Variants in EFHC2 observed in about 807,000 individuals in gnomAD.
The protein encoded by EFHC2 is EF-hand domain-containing family member C2.
A neutral mutation model predicts 52.7 loss-of-function variants in EFHC2; 18 were observed. The observed-to-expected ratio is 0.34, with a 90% CI of 0.24 to 0.51. EFHC2 has a LOEUF of 0.51. Among genes scored for constraint, EFHC2 ranks in the 20% least tolerant of loss-of-function variants. The pLI, the probability that EFHC2 is intolerant of heterozygous loss-of-function variation, is 0.97. For synonymous variants in EFHC2, 203 were observed against 204.1 expected, an observed-to-expected ratio of 0.99 and a Z score of 0.04; for missense variants, 513 against 562.5, an observed-to-expected ratio of 0.91 and a Z score of 0.89.
chrX:44,240,837 C>G (rs1366055755), intron 8 of EFHC2, among the ~76,000 whole-genome samples: 1 of 111,239 alleles, frequency 9.0e-6, no homozygotes, highest in Non-Finnish European at 1.9e-5. Context: ...GTACAGGGAC[C>G]ACTCCTGAGA....
At chrX:44,297,570 T>A (rs1284215699) in intron 2 of EFHC2, among the ~76,000 whole-genome samples, 3 of 107,504 alleles carry the variant, frequency 2.8e-5, no homozygotes, top group Non-Finnish European at 5.8e-5. Context: ...CTAAAAAAAA[T>A]ATATAAAAAT....
intron 10 of EFHC2, among the ~76,000 whole-genome samples, chrX:44,232,254 G>A (rs769035996): frequency 3.6e-5 from 4 of 112,340 alleles, no homozygotes; most frequent in Non-Finnish European, 1.9e-5. Flanking sequence ...CCTGGAATCC[G>A]TGATGCTGGG....
At chrX:44,198,490 C>T (rs911822498) in intron 11 of EFHC2, among the ~76,000 whole-genome samples, 2 of 111,431 alleles carry the variant, frequency 1.8e-5, no homozygotes, top group African/African-American at 6.5e-5. Flanking sequence ...TCAGTATTTT[C>T]CCCAGTGTAA....
chrX:44,220,033 T>C (rs914879700), intron 11 of EFHC2, among the ~76,000 whole-genome samples: 1 of 111,997 alleles, frequency 8.9e-6, no homozygotes, highest in African/African-American at 3.2e-5. Context: ...ATTGAAGTTT[T>C]AAAAAATAAT....
chrX:44,158,312 G>A (rs2147266549), intron 14 of EFHC2, among the ~76,000 whole-genome samples: 1 of 111,519 alleles, frequency 9.0e-6, no homozygotes, highest in African/African-American at 3.3e-5. Flanking sequence ...ATGACAATAT[G>A]CAGCCCAGGA....
rs2037627894 is a variant in EFHC2 at position 44,272,951 on chromosome X, T to A, written c.232-115A>T. 6.5e-6 allele frequency: 4 copies of A among 616,706 alleles called. 1 individual carries two copies. Among genetic ancestry groups the A allele is most frequent in the Non-Finnish European group, 9.7e-6 (4 of 413,127 alleles). 50.8% of individuals were successfully genotyped at this position (616,706 alleles called of 1,213,427 possible). On this transcript the variant is annotated intron_variant, in intron 2 of 14. Coordinates refer to ENST00000420999, the MANE Select transcript of EFHC2 (RefSeq NM_025184.4). Reference sequence around the variant, plus strand: ...AATATAAAGAAAAAAGTAGAGAGAATTTTTCCAAGAACTCATTCTACACAT... The same window carrying A: ...AATATAAAGAAAAAAGTAGAGAGAAATTTTCCAAGAACTCATTCTACACAT...
chrX:44,153,782 T>C (rs762438733), intron 14 of EFHC2, among the ~76,000 whole-genome samples: 12 of 112,466 alleles, frequency 1.1e-4, no homozygotes, highest in Non-Finnish European at 2.1e-4. Context: ...TACCACTGCC[T>C]AATTGTACTT....
At chrX:44,217,386 A>G (rs1357375994) in intron 11 of EFHC2, among the ~76,000 whole-genome samples, 2 of 111,922 alleles carry the variant, frequency 1.8e-5, no homozygotes, top group Non-Finnish European at 3.8e-5. Context: ...TATCCAAAAG[A>G]AAAGAAATCA....
At chrX:44,154,788 C>T (rs751474042) in intron 14 of EFHC2, among the ~76,000 whole-genome samples, 8 of 111,451 alleles carry the variant, frequency 7.2e-5, no homozygotes, top group Non-Finnish European at 1.5e-4. Context: ...TTTAGTAGCT[C>T]CTTCCCTTTC....
intron 1 of EFHC2, among the ~76,000 whole-genome samples, chrX:44,332,310 T>C (rs1304190583): frequency 9.0e-6 from 1 of 111,195 alleles, no homozygotes; most frequent in Non-Finnish European, 1.9e-5. Context: ...AACCATGCAA[T>C]TGACCTAAAC....
chrX:44,206,691 T>C (rs1602151045), intron 11 of EFHC2, among the ~76,000 whole-genome samples: 1 of 112,019 alleles, frequency 8.9e-6, no homozygotes, highest in East Asian at 2.8e-4. Flanking sequence ...GAAACACTGC[T>C]GAAAGAAATC....
At chrX:44,343,339 T>A (rs950557822) in intron 1 of EFHC2, among the ~76,000 whole-genome samples, 7 of 112,261 alleles carry the variant, frequency 6.2e-5, no homozygotes, top group African/African-American at 2.3e-4. Flanking sequence ...ATAAGGACTC[T>A]CTCTATATAT....
chrX:44,325,311 G>A (rs1052010695), intron 1 of EFHC2, among the ~76,000 whole-genome samples: 1 of 111,162 alleles, frequency 9.0e-6, no homozygotes, highest in African/African-American at 3.3e-5. Context: ...TAGTGACTGT[G>A]TATTGGTACT....
intron 1 of EFHC2, among the ~76,000 whole-genome samples, chrX:44,327,937 T>C (rs751942074): frequency 8.9e-6 from 1 of 112,541 alleles, no homozygotes; most frequent in South Asian, 3.7e-4. Context: ...CATTTAATAA[T>C]GTATTTAAAT....
At chrX:44,218,686 T>C (rs191786969) in intron 11 of EFHC2, among the ~76,000 whole-genome samples, 183 of 112,161 alleles carry the variant, frequency 1.6e-3, no homozygotes, top group African/African-American at 5.4e-3. Flanking sequence ...GAAGGCATCT[T>C]AAACAGATCA....
intron 1 of EFHC2, among the ~76,000 whole-genome samples, chrX:44,313,478 A>G (rs1042031834): frequency 8.9e-6 from 1 of 112,096 alleles, no homozygotes; most frequent in South Asian, 3.7e-4. Flanking sequence ...GGCCTAGCCA[A>G]TCCACTCCTA....
At chrX:44,299,685 C>A (rs181187337) in intron 2 of EFHC2, among the ~76,000 whole-genome samples, 306 of 112,165 alleles carry the variant, frequency 2.7e-3, no homozygotes, top group Non-Finnish European at 2.5e-3. Context: ...CTCAGGCTGT[C>A]ACAGGCACAT....
At chrX:44,168,036 T>A (rs1005077933) in intron 13 of EFHC2, among the ~76,000 whole-genome samples, 2 of 111,353 alleles carry the variant, frequency 1.8e-5, no homozygotes, top group Non-Finnish European at 3.8e-5. Flanking sequence ...AGATGAAAAG[T>A]AAACAGAGGA....
intron 11 of EFHC2, among the ~76,000 whole-genome samples, chrX:44,215,450 C>A (rs2037137150): frequency 9.6e-6 from 1 of 103,871 alleles, no homozygotes; most frequent in South Asian, 4.4e-4. Context: ...TAGTTTCTTA[C>A]AAAGTTTAAA....
Sources: gnomAD v4.1 joint callset for allele counts (sites outside exome capture counted in the v4.1 genomes callset) on GRCh38, gnomAD v4.1.1 for gene constraint, MANE v1.5 for transcripts, NCBI Gene and HGNC (gene_info 2026-07-23, HGNC 2026-07-21) for gene names.